Variants in TEX11 observed in about 807,000 individuals in gnomAD.
TEX11 encodes testis expressed 11.
In TEX11, 7 loss-of-function variants were observed where a neutral mutation model predicts 84.4. The observed-to-expected ratio is 0.08, with a 90% CI of 0.05 to 0.16. The LOEUF (loss-of-function observed/expected upper bound fraction) is 0.16, where lower values mean the gene tolerates loss of function less well. Among genes scored for constraint, TEX11 ranks in the 10% least tolerant of loss-of-function variants. The pLI, the probability that TEX11 is intolerant of heterozygous loss-of-function variation, is 1.00. For missense variants in TEX11, 551 were observed against 660.5 expected (o/e 0.83, Z 1.82); for synonymous variants, 264 against 222.8 (o/e 1.18, Z -1.64).
intron 9 of TEX11, among the ~76,000 whole-genome samples, chrX:70,767,177 C>T (rs961543584): frequency 3.6e-5 from 4 of 111,357 alleles, no homozygotes; most frequent in African/African-American, 6.5e-5. Context: ...AATGAAGAGA[C>T]GACCCACAGA....
intron 8 of TEX11, among the ~76,000 whole-genome samples, chrX:70,831,782 CA>C (rs998340042): frequency 2.7e-5 from 3 of 110,322 alleles, no homozygotes; most frequent in Non-Finnish European, 5.7e-5. Flanking sequence ...TATTTCTCCA[CA>C]AAAAAAACCT....
chrX:70,790,859 C>T (rs1467379471), intron 9 of TEX11, among the ~76,000 whole-genome samples: 1 of 112,358 alleles, frequency 8.9e-6, no homozygotes, highest in East Asian at 2.8e-4. Flanking sequence ...GGCCCAGTCC[C>T]AATCCTGCAT....
At chrX:70,704,190 A>C (rs1263051898) in intron 13 of TEX11, among the ~76,000 whole-genome samples, 1 of 109,141 alleles carries the variant, frequency 9.2e-6, no homozygotes, top group Non-Finnish European at 1.9e-5. Context: ...CCATGAGTAA[A>C]AGTTCCCTGA....
In TEX11 at chrX:70,579,523, A is replaced by C. The variant is rs773639253; in HGVS notation, c.2140+12228T>G. On this transcript the variant is annotated intron_variant, in intron 25 of 29. Transcript: ENST00000374333. ...AAAACAAAAAAACAAAAAAAACAAAAAAAAAAAAAAACAAAAAAGAAACTG... is the reference window on the plus strand; with the variant it reads ...AAAACAAAAAAACAAAAAAAACAAACAAAAAAAAAAACAAAAAAGAAACTG... Among the ~76,000 whole-genome samples, 98 of 26,801 alleles carry C rather than the reference A, an allele frequency of 3.7e-3. 2 individuals carry two copies. Among genetic ancestry groups the C allele is most frequent in the East Asian group, 0.026 (34 of 1,314 alleles). 23.3% of individuals were successfully genotyped at this position (26,801 alleles called of 115,157 possible). A position where few individuals can be genotyped will look rare whatever the true frequency, so the allele number is the denominator to read the frequency against.
chrX:70,781,031 C>T (rs1163633885), intron 9 of TEX11, among the ~76,000 whole-genome samples: 1 of 112,223 alleles, frequency 8.9e-6, no homozygotes, highest in Admixed American at 9.4e-5. Context: ...CCCGTGTAGC[C>T]TAAATGTGAG....
At chrX:70,706,102 T>C (rs1317520779) in intron 13 of TEX11, among the ~76,000 whole-genome samples, 7 of 111,366 alleles carry the variant, frequency 6.3e-5, no homozygotes, top group Non-Finnish European at 9.4e-5. Flanking sequence ...ATGTGGCACA[T>C]ATACACCATG....
chrX:70,898,543 C>T (rs1428408401), intron 2 of TEX11, among the ~76,000 whole-genome samples: 2 of 111,368 alleles, frequency 1.8e-5, no homozygotes, highest in Non-Finnish European at 3.8e-5. Context: ...TTGGAAGACA[C>T]TGTATGGCAT....
At chrX:70,589,427 A>G (rs905462882) in intron 25 of TEX11, among the ~76,000 whole-genome samples, 1 of 104,978 alleles carries the variant, frequency 9.5e-6, no homozygotes, top group African/African-American at 3.5e-5. Flanking sequence ...CTATCTCACT[A>G]TATCTCTCTA....
chrX:70,820,239 A>C (rs775762280), intron 8 of TEX11, among the ~76,000 whole-genome samples: 15 of 112,064 alleles, frequency 1.3e-4, no homozygotes, highest in African/African-American at 4.9e-4. Context: ...ATGGAATAGA[A>C]TAGAAGAGCC....
At chrX:70,892,296 A>T (rs1197150364) in intron 2 of TEX11, among the ~76,000 whole-genome samples, 1 of 112,082 alleles carries the variant, frequency 8.9e-6, no homozygotes, top group Non-Finnish European at 1.9e-5. Context: ...CTGCAAAAAC[A>T]CACCAAAATA....
intron 8 of TEX11, 46 bp from the exon 9 acceptor site, chrX:70,806,836 C>A (rs2091222283): frequency 1.0e-5 from 10 of 983,553 alleles, no homozygotes; most frequent in Non-Finnish European, 1.4e-5. Flanking sequence ...TCCTTAAATC[C>A]CAACACACTT....
intron 9 of TEX11, among the ~76,000 whole-genome samples, chrX:70,785,011 A>G (rs2091068383): frequency 8.9e-6 from 1 of 111,988 alleles, no homozygotes; most frequent in African/African-American, 3.2e-5. Context: ...AAGAGCCCAC[A>G]TTGCCAAGAC....
chrX:70,559,778 A>C (rs868502079), intron 25 of TEX11, among the ~76,000 whole-genome samples: 5 of 112,149 alleles, frequency 4.5e-5, no homozygotes, highest in African/African-American at 1.6e-4. Flanking sequence ...TGTTGTTTCA[A>C]ATTTTTAGTT....
chrX:70,515,884 T>G, the TEX11 span, among the ~76,000 whole-genome samples: 1 of 112,724 alleles, frequency 8.9e-6, no homozygotes, highest in South Asian at 3.7e-4. Context: ...ATGATGAGCA[T>G]TTTTTCATGT....
intron 9 of TEX11, among the ~76,000 whole-genome samples, chrX:70,782,019 G>A (rs2091042567): frequency 9.0e-6 from 1 of 111,342 alleles, no homozygotes; most frequent in African/African-American, 3.3e-5. Flanking sequence ...ATAATTGTCA[G>A]ATTCACCAAG....
chrX:70,833,000 T>C (rs1301377829), intron 8 of TEX11, among the ~76,000 whole-genome samples: 1 of 111,898 alleles, frequency 8.9e-6, no homozygotes, highest in African/African-American at 3.2e-5. Context: ...CCAGGTGTGG[T>C]GGCTCACGCC....
At chrX:70,655,312 G>T (rs1228687360) in intron 16 of TEX11, among the ~76,000 whole-genome samples, 2 of 110,656 alleles carry the variant, frequency 1.8e-5, no homozygotes, top group African/African-American at 6.6e-5. Flanking sequence ...ATGATTTTTT[G>T]ACTTTACCAC....
chrX:70,880,401 A>C (rs980307575), intron 2 of TEX11, among the ~76,000 whole-genome samples: 7 of 111,642 alleles, frequency 6.3e-5, no homozygotes, highest in Non-Finnish European at 1.3e-4. Flanking sequence ...GTAATATTAA[A>C]AGTACAAAAC....
intron 28 of TEX11, among the ~76,000 whole-genome samples, chrX:70,535,470 G>A (rs1457553658): frequency 8.9e-6 from 1 of 111,772 alleles, no homozygotes; most frequent in Non-Finnish European, 1.9e-5. Flanking sequence ...TATCTGCCTG[G>A]GTGTGGTGGC....
Sources: gnomAD v4.1 joint callset for allele counts (sites outside exome capture counted in the v4.1 genomes callset) on GRCh38, gnomAD v4.1.1 for gene constraint, MANE v1.5 for transcripts, NCBI Gene and HGNC (gene_info 2026-07-23, HGNC 2026-07-21) for gene names.